Variants in XPR1 observed in about 807,000 individuals in gnomAD.
The protein encoded by XPR1 is xenotropic and polytropic retrovirus receptor 1, also known as solute carrier family 53 member 1.
A neutral mutation model predicts 87.5 loss-of-function variants in XPR1; 28 were observed. The ratio of observed to expected loss-of-function variants is 0.32; its 90% CI spans 0.24 to 0.44. XPR1 has a LOEUF of 0.44. Among genes scored for constraint, XPR1 ranks in the 20% least tolerant of loss-of-function variants. The probability of loss-of-function intolerance (pLI) is 1.00; values close to 1 mark genes in which losing one functional copy is unlikely to be tolerated. For missense variants in XPR1, 559 were observed against 862.3 expected, an observed-to-expected ratio of 0.65 and a Z score of 4.41; for synonymous variants, 300 against 306.1, an observed-to-expected ratio of 0.98 and a Z score of 0.21.
At chr1:180,752,545 G>A (rs534824255) in intron 2 of XPR1, among the ~76,000 whole-genome samples, 1 of 151,990 alleles carries the variant, frequency 6.6e-6, no homozygotes, top group South Asian at 2.1e-4. Flanking sequence ...TTTTCTATAT[G>A]TAAGTCTCCC....
At chr1:180,633,825 C>T (rs1302306699) in intron 1 of XPR1, among the ~76,000 whole-genome samples, 1 of 152,134 alleles carries the variant, frequency 6.6e-6, no homozygotes, top group East Asian at 1.9e-4. Context: ...TTTCATCTTT[C>T]TAGTAGTAAT....
intron 2 of XPR1, among the ~76,000 whole-genome samples, chr1:180,735,794 A>T (rs1658709334): frequency 6.6e-6 from 1 of 152,194 alleles, no homozygotes; most frequent in Non-Finnish European, 1.5e-5. Flanking sequence ...GTTATAGTAA[A>T]AATATCATTT....
intron 12 of XPR1, among the ~76,000 whole-genome samples, chr1:180,865,238 C>T (rs61811228): frequency 6.6e-6 from 1 of 151,884 alleles, no homozygotes; most frequent in East Asian, 1.9e-4. Context: ...AATATATGAC[C>T]AAGATATTAG....
At position 180,823,006 on chromosome 1, in the gene XPR1, G is replaced by A. The variant is rs562928945; in HGVS notation, c.764-1747G>A. 5.9e-5 allele frequency among the ~76,000 whole-genome samples: 9 copies of A among 152,206 alleles called. No homozygotes were observed. In the South Asian group the frequency reaches 1.0e-3, roughly 18 times the overall value. On this transcript the variant is annotated intron_variant, in intron 7 of 14. Transcript: ENST00000367590. The stretch of plus-strand genomic sequence containing the variant: ...TGTAATCCCAGCACTTTGGGAGGCC[G>A]AGGAGGGCAGATCACCTGAGGTCAG...
intron 1 of XPR1, among the ~76,000 whole-genome samples, chr1:180,637,070 A>AAC (rs1557932794): frequency 6.0e-5 from 9 of 150,130 alleles, no homozygotes; most frequent in African/African-American, 2.2e-4. Context: ...AAAAAAAAAA[A>AAC]AGGAAAAGTA....
rs1162160568 is a variant in XPR1, at chr1:180,889,929, C to T, written c.*5863C>T. The T allele has an allele frequency of 6.6e-6, 1 of 152,002 alleles. No individual in the cohort carries two copies. The highest frequency in any genetic ancestry group is 1.5e-5 in the Non-Finnish European group (1 of 68,018). 9.4% of individuals were successfully genotyped at this position (152,002 alleles called of 1,614,324 possible). ...GGTGCTTCCTTCCCTCTTTTTTCTC[C>T]CTCACTCTCTTTCTCAGTCTCCACT... On this transcript the variant is annotated 3_prime_UTR_variant, in exon 15 of 15. Transcript: ENST00000367590.
chr1:180,743,409 A>G (rs561406882), intron 2 of XPR1, among the ~76,000 whole-genome samples: 1 of 152,178 alleles, frequency 6.6e-6, no homozygotes, highest in East Asian at 1.9e-4. Flanking sequence ...TTTACACCAA[A>G]TAGGTCTCTT....
chr1:180,754,932 G>A (rs1647673153), intron 2 of XPR1, among the ~76,000 whole-genome samples: 1 of 152,046 alleles, frequency 6.6e-6, no homozygotes, highest in Non-Finnish European at 1.5e-5. Flanking sequence ...GATAATATCT[G>A]CATGGGTGGG....
At chr1:180,838,602 A>G (rs937344804) in intron 11 of XPR1, among the ~76,000 whole-genome samples, 8 of 152,178 alleles carry the variant, frequency 5.3e-5, no homozygotes, top group Non-Finnish European at 7.4e-5. Flanking sequence ...TATAAACCGT[A>G]TTACCTTTCG....
chr1:180,738,835 T>C (rs572670084), intron 2 of XPR1, among the ~76,000 whole-genome samples: 20 of 152,304 alleles, frequency 1.3e-4, no homozygotes, highest in African/African-American at 3.6e-4. Flanking sequence ...CTGTAGATTA[T>C]AGTTTTTTCA....
At chr1:180,749,940 G>T (rs1297402705) in intron 2 of XPR1, among the ~76,000 whole-genome samples, 1 of 152,080 alleles carries the variant, frequency 6.6e-6, no homozygotes, top group East Asian at 1.9e-4. Flanking sequence ...AGGGAATATG[G>T]TTTTCTTTTG....
In XPR1 at chr1:180,834,948, G is replaced by A. The variant is rs1651226535; in HGVS notation, c.1209G>A (p.Leu403=). The A allele has an allele frequency of 6.2e-7, 1 of 1,614,014 alleles. No individual in the cohort carries two copies. Among genetic ancestry groups the A allele is most frequent in the Non-Finnish European group, 8.5e-7 (1 of 1,180,004 alleles). ...GGCTGGCGGATCAGCTGAACAGCCT[G>A]TCAGTGATACTGATGGACCTGGAAT... ...DFWLADQLNS[L]SVILMDLEYM... Residue 403 remains leucine (L), a synonymous_variant, in exon 10 of 15, where the codon CTG becomes CTA. Transcript: ENST00000367590.
At chr1:180,736,254 G>A (rs776153712) in intron 2 of XPR1, among the ~76,000 whole-genome samples, 16 of 152,254 alleles carry the variant, frequency 1.1e-4, no homozygotes, top group South Asian at 4.1e-4. Context: ...AAGATCTAGC[G>A]TTGAGAACAT....
At chr1:180,637,905 C>A (rs1000307179) in intron 1 of XPR1, among the ~76,000 whole-genome samples, 8 of 152,092 alleles carry the variant, frequency 5.3e-5, no homozygotes, top group Non-Finnish European at 8.8e-5. Flanking sequence ...TCACAATGAA[C>A]TTGACTGTAA....
At chr1:180,758,997 A>G (rs937611249) in intron 2 of XPR1, among the ~76,000 whole-genome samples, 1 of 152,206 alleles carries the variant, frequency 6.6e-6, no homozygotes, top group African/African-American at 2.4e-5. Context: ...GAAACTGAAC[A>G]ACCTGCTCCT....
At position 180,887,251 on chromosome 1, in the gene XPR1, A is replaced by G. The variant is rs1418968686; in HGVS notation, c.*3185A>G. The stretch of plus-strand genomic sequence containing the variant: ...CCTAACCAAATACAAACTTCATTTG[A>G]TTTTAGGTTTAGAAATTCTAGTTTT... On this transcript the variant is annotated 3_prime_UTR_variant, in exon 15 of 15. Coordinates refer to ENST00000367590, the MANE Select transcript of XPR1 (RefSeq NM_004736.4). The G allele has an allele frequency of 6.6e-6, 1 of 152,238 alleles. No homozygotes were observed. The highest frequency in any genetic ancestry group is 1.5e-5 in the Non-Finnish European group (1 of 68,032). The allele number at this position is 152,238 out of a possible 1,614,324, so 9.4% of individuals were successfully genotyped here.
At chr1:180,726,414 G>A (rs150683760) in intron 2 of XPR1, among the ~76,000 whole-genome samples, 208 of 152,256 alleles carry the variant, frequency 1.4e-3, no homozygotes, top group African/African-American at 4.9e-3. Context: ...ACCTTTAAGA[G>A]CTGTAACACT....
intron 2 of XPR1, among the ~76,000 whole-genome samples, chr1:180,694,875 G>A (rs1037061504): frequency 2.6e-5 from 4 of 152,056 alleles, no homozygotes; most frequent in Admixed American, 2.0e-4. Flanking sequence ...CAATATGCAT[G>A]TTGGTGCTGA....
chr1:180,704,586 A>G (rs896963253), intron 2 of XPR1, among the ~76,000 whole-genome samples: 32 of 151,574 alleles, frequency 2.1e-4, no homozygotes, highest in African/African-American at 7.2e-4. Flanking sequence ...GTATATTTCA[A>G]TATATTTGGT....
Sources: gnomAD v4.1 joint callset for allele counts (sites outside exome capture counted in the v4.1 genomes callset) on GRCh38, gnomAD v4.1.1 for gene constraint, MANE v1.5 for transcripts, NCBI Gene and HGNC (gene_info 2026-07-23, HGNC 2026-07-21) for gene names.